The following CAMK1D variants were observed in gnomAD, a reference collection of about 807,000 sequenced individuals.
CAMK1D encodes the protein calcium/calmodulin dependent protein kinase ID, also known as calcium/calmodulin-dependent protein kinase type 1D.
A neutral mutation model predicts 47.7 loss-of-function variants in CAMK1D; 9 were observed. The observed-to-expected ratio is 0.19, with a 90% CI of 0.11 to 0.33. CAMK1D has a LOEUF of 0.33. CAMK1D is among the 10% of genes least tolerant of loss of function. The pLI is 1.00. For missense variants in CAMK1D, 291 were observed against 488.7 expected (o/e 0.60, Z 3.81); for synonymous variants, 184 against 184.9 (o/e 0.99, Z 0.04).
At chr10:12,615,871 T>TGTG (rs1838785014) in intron 2 of CAMK1D, among the ~76,000 whole-genome samples, 1 of 151,206 alleles carries the variant, frequency 6.6e-6, no homozygotes, top group Non-Finnish European at 1.5e-5. Context: ...TGCATGTATG[T>TGTG]GTATAAGTGT....
intron 3 of CAMK1D, among the ~76,000 whole-genome samples, chr10:12,727,585 A>G (rs1834703079): frequency 1.3e-5 from 2 of 152,184 alleles, no homozygotes; most frequent in South Asian, 4.1e-4. Flanking sequence ...ACAATCTTTC[A>G]TATCATGGAG....
chr10:12,370,784 CT>C (rs1837980242), intron 1 of CAMK1D, among the ~76,000 whole-genome samples: 1 of 152,008 alleles, frequency 6.6e-6, no homozygotes, highest in East Asian at 1.9e-4. Flanking sequence ...AATTTTTGTA[CT>C]TTAGTAGAGA....
rs538083449 is a variant in CAMK1D, at chr10:12,586,528, A to T, written c.224+33172A>T. Among the ~76,000 whole-genome samples the T allele has an allele frequency of 9.2e-5, 14 of 152,216 alleles. No individual in the cohort carries two copies. The South Asian group carries it at 2.9e-3, about 32-fold the overall frequency. Reference sequence around the variant, plus strand: ...AAAAGTTAGCTTTATCTGGTTAGGAAATCTACTCCTTTGTTAAAAACAATA... The same window carrying T: ...AAAAGTTAGCTTTATCTGGTTAGGATATCTACTCCTTTGTTAAAAACAATA... On this transcript the variant is annotated intron_variant, in intron 2 of 10. Coordinates refer to ENST00000619168, the MANE Select transcript of CAMK1D (RefSeq NM_153498.4).
chr10:12,412,918 C>T (rs996929755), intron 1 of CAMK1D, among the ~76,000 whole-genome samples: 32 of 152,210 alleles, frequency 2.1e-4, no homozygotes, highest in African/African-American at 2.9e-4. Flanking sequence ...CATCCTACTG[C>T]GTTTTGCCAC....
chr10:12,420,810 A>C (rs1840025911), intron 1 of CAMK1D, among the ~76,000 whole-genome samples: 1 of 152,194 alleles, frequency 6.6e-6, no homozygotes, highest in African/African-American at 2.4e-5. Context: ...TTGCATTTTT[A>C]GAGGGCTGTC....
At chr10:12,650,615 T>C (rs1190466494) in intron 2 of CAMK1D, among the ~76,000 whole-genome samples, 2 of 152,132 alleles carry the variant, frequency 1.3e-5, no homozygotes, top group Admixed American at 6.5e-5. Context: ...GCAGTGGACA[T>C]GGCAAAAGGG....
chr10:12,714,380 T>A (rs1178840350), intron 3 of CAMK1D, among the ~76,000 whole-genome samples: 4 of 151,892 alleles, frequency 2.6e-5, no homozygotes, highest in African/African-American at 4.8e-5. Context: ...ATATTTATAT[T>A]TTTAATTATA....
chr10:12,553,322 A>G lies in CAMK1D; in HGVS notation c.190A>G (p.Ser64Gly), dbSNP rs769900753. Residue 64 changes from serine (S) to glycine (G), a missense_variant, in exon 2 of 11, where the codon AGC becomes GGC. By Grantham distance (56) the Ser-to-Gly change is moderately conservative. Coordinates refer to ENST00000619168, the MANE Select transcript of CAMK1D (RefSeq NM_153498.4). ...TAAGAAGGCGCTGAAGGGCAAGGAA[A>G]GCAGCATAGAGAATGAGATAGCCGT... ...IPKKALKGKE[S>G]SIENEIAVLR... 6.8e-6 allele frequency: 11 copies of G among 1,614,028 alleles called. No homozygotes were observed. The South Asian group carries it at 1.1e-4, about 16-fold the overall frequency.
intron 1 of CAMK1D, among the ~76,000 whole-genome samples, chr10:12,373,917 A>T (rs1838087499): frequency 6.6e-6 from 1 of 150,550 alleles, no homozygotes; most frequent in Admixed American, 6.7e-5. Context: ...TCTACTAAAA[A>T]TACAAAAATT....
intron 6 of CAMK1D, among the ~76,000 whole-genome samples, chr10:12,807,585 G>C (rs562000799): frequency 2.6e-5 from 4 of 152,322 alleles, no homozygotes; most frequent in South Asian, 4.1e-4. Flanking sequence ...AGCAGGCAGC[G>C]TCCACTGAAG....
chr10:12,639,453 C>T (rs1839607085), intron 2 of CAMK1D, among the ~76,000 whole-genome samples: 1 of 152,088 alleles, frequency 6.6e-6, no homozygotes, highest in Admixed American at 6.5e-5. Flanking sequence ...CCATCGCACT[C>T]CAGCTTGGGC....
intron 3 of CAMK1D, among the ~76,000 whole-genome samples, chr10:12,699,314 C>T (rs955828771): frequency 2.0e-5 from 3 of 152,160 alleles, no homozygotes; most frequent in Admixed American, 2.0e-4. Context: ...TTTGCTGTGA[C>T]TCGACCTCTT....
chr10:12,647,258 C>T (rs1198624033), intron 2 of CAMK1D, among the ~76,000 whole-genome samples: 5 of 149,280 alleles, frequency 3.3e-5, no homozygotes, highest in African/African-American at 4.9e-5. Flanking sequence ...AAGCGATCCT[C>T]CTGACTCAGC....
intron 2 of CAMK1D, among the ~76,000 whole-genome samples, chr10:12,660,242 T>A (rs1241811570): frequency 6.6e-6 from 1 of 152,194 alleles, no homozygotes; most frequent in Non-Finnish European, 1.5e-5. Flanking sequence ...TTTTCTCCTC[T>A]CTTTTGTGCT....
chr10:12,388,997 C>T (rs985470712), intron 1 of CAMK1D, among the ~76,000 whole-genome samples: 2 of 152,198 alleles, frequency 1.3e-5, no homozygotes, highest in Non-Finnish European at 1.5e-5. Context: ...ATTTACATCC[C>T]GCAGCTGATG....
intron 1 of CAMK1D, among the ~76,000 whole-genome samples, chr10:12,375,931 G>A (rs1838163854): frequency 1.3e-5 from 2 of 152,038 alleles, no homozygotes; most frequent in South Asian, 2.1e-4. Context: ...GGGAGGCTGA[G>A]GTGGGCAGAT....
intron 3 of CAMK1D, among the ~76,000 whole-genome samples, chr10:12,712,283 A>G (rs1833965976): frequency 6.6e-6 from 1 of 152,176 alleles, no homozygotes; most frequent in South Asian, 2.1e-4. Context: ...AGGTTCAGGA[A>G]TGTCAGGATG....
chr10:12,507,766 C>T (rs1013913019), intron 1 of CAMK1D, among the ~76,000 whole-genome samples: 2 of 152,190 alleles, frequency 1.3e-5, no homozygotes, highest in Admixed American at 6.5e-5. Context: ...TTATTTCTCT[C>T]GTGTTAATTC....
chr10:12,761,792 A>G (rs1836520387), intron 4 of CAMK1D, among the ~76,000 whole-genome samples: 1 of 152,216 alleles, frequency 6.6e-6, no homozygotes, highest in African/African-American at 2.4e-5. Context: ...AAGCCGAGGC[A>G]GGAGAATCGT....
Sources: allele counts gnomAD v4.1 joint callset (sites outside exome capture counted in the v4.1 genomes callset), GRCh38; gene constraint gnomAD v4.1.1; transcripts MANE v1.5; gene names NCBI Gene and HGNC (gene_info 2026-07-23, HGNC 2026-07-21).